The following EBF3 variants were observed in gnomAD, a reference collection of about 807,000 sequenced individuals.
EBF3 encodes EBF transcription factor 3.
In EBF3, 18 loss-of-function variants were observed where a neutral mutation model predicts 77.1. The observed-to-expected ratio is 0.23, with a 90% confidence interval of 0.16 to 0.35. The LOEUF (loss-of-function observed/expected upper bound fraction) is 0.35, where lower values mean the gene tolerates loss of function less well. Ranked by LOEUF, EBF3 falls within the 10% of genes least tolerant of loss-of-function variation. The pLI, the probability that EBF3 is intolerant of heterozygous loss-of-function variation, is 1.00. For synonymous variants in EBF3, 350 were observed against 343.5 expected (o/e 1.02, Z -0.21); for missense variants, 558 against 860.0 (o/e 0.65, Z 4.39).
rs565861240 is a variant in EBF3, at chr10:129,933,272, T to C, written c.554+23986A>G. Among the ~76,000 whole-genome samples, 17 of 152,232 alleles carry C rather than the reference T, an allele frequency of 1.1e-4. No individual in the cohort carries two copies. In the East Asian group the frequency reaches 3.3e-3, roughly 29 times the overall value. On this transcript the variant is annotated intron_variant, in intron 6 of 16. Transcript: ENST00000440978. ...ACAGCAAACCGCAGGGGATGCGGCC[T>C]CTCGAAAAACAGGCTTTGAATAATA...
chr10:129,838,498 G>A (rs1341769507), intron 16 of EBF3, among the ~76,000 whole-genome samples: 1 of 152,148 alleles, frequency 6.6e-6, no homozygotes, highest in Non-Finnish European at 1.5e-5. Context: ...GGTGAGTCAG[G>A]GGCTCTCCAG....
At chr10:129,886,781 T>C (rs1003869977) in intron 6 of EBF3, among the ~76,000 whole-genome samples, 5 of 152,106 alleles carry the variant, frequency 3.3e-5, no homozygotes, top group African/African-American at 1.2e-4. Context: ...AGCTCCATCC[T>C]ACCAGTGCCT....
At chr10:129,954,645 T>C (rs750582295) in intron 6 of EBF3, among the ~76,000 whole-genome samples, 48 of 152,276 alleles carry the variant, frequency 3.2e-4, no homozygotes, top group Admixed American at 6.5e-4. Context: ...TGTGGGCCCA[T>C]TGATCTCAAT....
At position 129,915,491 on chromosome 10, in the gene EBF3, CACACACAA is replaced by C. The variant is rs565175507; in HGVS notation, c.555-37650_555-37643del. On this transcript the variant is annotated intron_variant, in intron 6 of 16. Coordinates refer to ENST00000440978, the MANE Select transcript of EBF3 (RefSeq NM_001375380.1). ...ACACACACACACACACACACACACA[CACACACAA>C]AAAAGCCAAGACAAGTTGGGTGTTG... 4.6e-3 allele frequency among the ~76,000 whole-genome samples: 467 copies of C among 101,138 alleles called. 4 individuals are homozygous for C. Among genetic ancestry groups the C allele is most frequent in the Non-Finnish European group, 4.6e-3 (223 of 48,340 alleles). The allele number at this position is 101,138 out of a possible 152,430, so 66.4% of individuals were successfully genotyped here.
chr10:129,843,809 T>C (rs1850260906), intron 11 of EBF3, among the ~76,000 whole-genome samples: 1 of 152,256 alleles, frequency 6.6e-6, no homozygotes, highest in Non-Finnish European at 1.5e-5. Context: ...AATTAACCTC[T>C]TTGACTGCAT....
rs371704031 is a variant in EBF3 at position 129,896,509 on chromosome 10, G to A, written c.555-18660C>T. 3.9e-5 allele frequency among the ~76,000 whole-genome samples: 6 copies of A among 152,310 alleles called. No homozygotes were observed. In the East Asian group the frequency reaches 7.7e-4, roughly 20 times the overall value. On this transcript the variant is annotated intron_variant, in intron 6 of 16. Coordinates refer to ENST00000440978, the MANE Select transcript of EBF3 (RefSeq NM_001375380.1). ...CTGGCTGGACGGGGCGGGGGCCGGC[G>A]TGGGCCGGGTGTGGGGGTGCGACAG...
rs987487071 is a variant in EBF3 at position 129,885,217 on chromosome 10, G to C, written c.555-7368C>G. 3.3e-5 allele frequency among the ~76,000 whole-genome samples: 5 copies of C among 152,126 alleles called. No homozygotes were observed. The highest frequency in any genetic ancestry group is 1.2e-4 in the African/African-American group (5 of 41,404). On this transcript the variant is annotated intron_variant, in intron 6 of 16. Coordinates refer to ENST00000440978, the MANE Select transcript of EBF3 (RefSeq NM_001375380.1). This position sits in a 1 kb window ranked among gnomAD's most constrained non-coding sequence, Gnocchi z 4.0. ...AAAATGATGCCAAAGAGATCTGATGGGATTTAATGGCTTTGCCGGCCAGTT... is the reference window on the plus strand; with the variant it reads ...AAAATGATGCCAAAGAGATCTGATGCGATTTAATGGCTTTGCCGGCCAGTT...
intron 12 of EBF3, 66 bp downstream of exon 12, chr10:129,843,071 A>T (rs993344793): frequency 4.6e-6 from 7 of 1,534,138 alleles, no homozygotes; most frequent in Non-Finnish European, 5.3e-6. Context: ...CACTGGAGCC[A>T]CGCCGGCTGC....
At chr10:129,881,056 A>T (rs1432418486) in intron 6 of EBF3, among the ~76,000 whole-genome samples, 1 of 152,206 alleles carries the variant, frequency 6.6e-6, no homozygotes, top group Non-Finnish European at 1.5e-5. Context: ...CTTTTTCCTA[A>T]GAAATATCTG....
At chr10:129,869,370 G>A (rs1256286522) in intron 8 of EBF3, among the ~76,000 whole-genome samples, 1 of 152,164 alleles carries the variant, frequency 6.6e-6, no homozygotes, top group Non-Finnish European at 1.5e-5. Context: ...TAAACAATTA[G>A]TGGCTTAACC....
chr10:129,860,134 C>T (rs1429266269), intron 10 of EBF3, among the ~76,000 whole-genome samples: 1 of 152,102 alleles, frequency 6.6e-6, no homozygotes, highest in Non-Finnish European at 1.5e-5. Flanking sequence ...GTCTGCTGCT[C>T]TTCTCCCACA....
intron 6 of EBF3, among the ~76,000 whole-genome samples, chr10:129,934,337 C>T (rs1038895172): frequency 6.6e-6 from 1 of 152,054 alleles, no homozygotes; most frequent in African/African-American, 2.4e-5. Context: ...GTGGGTCCAG[C>T]GGGTACTGAG....
chr10:129,913,109 G>A (rs1855635756), intron 6 of EBF3, among the ~76,000 whole-genome samples: 1 of 152,256 alleles, frequency 6.6e-6, no homozygotes, highest in South Asian at 2.1e-4. Context: ...ACGCAGCTTT[G>A]TTCGAGCTAG....
Position 129,959,024 on chromosome 10 carries a change from C to G in EBF3, c.412-17G>C, listed in dbSNP as rs770570616. 2.5e-6 allele frequency: 4 copies of G among 1,597,176 alleles called. No individual in the cohort carries two copies. Among genetic ancestry groups the G allele is most frequent in the East Asian group, 2.3e-5 (1 of 42,792 alleles). On this transcript the variant is annotated splice_polypyrimidine_tract_variant and intron_variant, in intron 4 of 16. Transcript: ENST00000440978. Reference sequence around the variant, plus strand: ...GACGATGGCCTGCGCGAGGGACAAGCAGAGGCTGGGGTTACGCGGCGCCCG... The same window carrying G: ...GACGATGGCCTGCGCGAGGGACAAGGAGAGGCTGGGGTTACGCGGCGCCCG...
chr10:129,954,366 C>G (rs920255532), intron 6 of EBF3, among the ~76,000 whole-genome samples: 2 of 152,002 alleles, frequency 1.3e-5, no homozygotes, highest in Non-Finnish European at 2.9e-5. Context: ...ATAAGTGAAA[C>G]CTTTGCAGTG....
At chr10:129,900,320 A>G (rs1342402356) in intron 6 of EBF3, among the ~76,000 whole-genome samples, 1 of 152,222 alleles carries the variant, frequency 6.6e-6, no homozygotes, top group Non-Finnish European at 1.5e-5. Context: ...ATAACTGAGC[A>G]GCCATCACCT....
Position 129,861,425 on chromosome 10 carries a change from T to C in EBF3, c.1039+5716A>G, listed in dbSNP as rs1380403497. 6.6e-6 allele frequency among the ~76,000 whole-genome samples: 1 copy of C among 152,230 alleles called. No homozygotes were observed. The highest frequency in any genetic ancestry group is 1.5e-5 in the Non-Finnish European group (1 of 68,048). ...GTGTTGTTGGAGTCACGCATTATCT[T>C]GTGATTATCCCGATTCTGGGCAGGT... On this transcript the variant is annotated intron_variant, in intron 10 of 16. Transcript: ENST00000440978. This position sits in a 1 kb window ranked among gnomAD's most constrained non-coding sequence, Gnocchi z 4.3.
rs1422463725 is a variant in EBF3, at chr10:129,944,812, C to T, written c.554+12446G>A. Among the ~76,000 whole-genome samples, 2 of 151,844 alleles carry T rather than the reference C, an allele frequency of 1.3e-5. No individual in the cohort carries two copies. Among genetic ancestry groups the T allele is most frequent in the Non-Finnish European group, 2.9e-5 (2 of 67,998 alleles). On this transcript the variant is annotated intron_variant, in intron 6 of 16. Transcript: ENST00000440978. The surrounding 1 kb of genome is among the most constrained non-coding windows in gnomAD (Gnocchi z 5.1). ...CATAAGAATTTCATTATCTTTGCAG[C>T]TGTTGCCTAGGATCAAGCAAAGGTT...
chr10:129,846,116 G>GTGTGTA (rs955082125), intron 11 of EBF3, among the ~76,000 whole-genome samples: 4 of 84,576 alleles, frequency 4.7e-5, no homozygotes, highest in Non-Finnish European at 8.8e-5. Context: ...CTTTGTGTGT[G>GTGTGTA]TGTGTGTGTG....
Sources: allele counts gnomAD v4.1 joint callset (sites outside exome capture counted in the v4.1 genomes callset), GRCh38; gene constraint gnomAD v4.1.1; non-coding constraint Gnocchi (gnomAD v3.1); transcripts MANE v1.5; gene names NCBI Gene and HGNC (gene_info 2026-07-23, HGNC 2026-07-21).